C11orf65: variants seen among roughly 807,000 people sequenced by gnomAD.
C11orf65 encodes the protein chromosome 11 open reading frame 65, also known as protein MFI.
In C11orf65, 38 loss-of-function variants were observed where a neutral mutation model predicts 35.3. The ratio of observed to expected loss-of-function variants is 1.08; its 90% confidence interval spans 0.83 to 1.41. The LOEUF is 1.41. Ranked by LOEUF, C11orf65 falls within the 40% of genes most tolerant of loss-of-function variation. C11orf65 has a pLI of 0.00. For missense variants in C11orf65, 370 were observed against 367.1 expected (o/e 1.01, Z -0.06); for synonymous variants, 105 against 114.4 (o/e 0.92, Z 0.53).
chr11:108,372,444 C>T (rs1434259894), intron 2 of C11orf65, among the ~76,000 whole-genome samples: 1 of 152,220 alleles, frequency 6.6e-6, no homozygotes, highest in South Asian at 2.1e-4. Flanking sequence ...ATGCCCGCCT[C>T]AGCACCCCAA....
At chr11:108,378,813 T>C (rs11212599), downstream of C11orf65, among the ~76,000 whole-genome samples, 56,450 of 131,928 alleles carry the variant, frequency 0.43, 10,881 homozygotes, top group African/African-American at 0.6. Context: ...AAAAAGTGGG[T>C]GAAGGACATG....
At chr11:108,444,997 T>C (rs908291389) in intron 2 of C11orf65, among the ~76,000 whole-genome samples, 2 of 152,182 alleles carry the variant, frequency 1.3e-5, no homozygotes, top group African/African-American at 4.8e-5. Flanking sequence ...CCACGGAGTC[T>C]TGCTGATTGC....
chr11:108,433,452 C>A (rs914124586), intron 2 of C11orf65, among the ~76,000 whole-genome samples: 3 of 151,886 alleles, frequency 2.0e-5, no homozygotes, highest in African/African-American at 7.3e-5. Flanking sequence ...TGGTGGCAGG[C>A]GCCTGCAGTC....
chr11:108,446,103 A>G (rs912089502), intron 2 of C11orf65, among the ~76,000 whole-genome samples: 2 of 152,134 alleles, frequency 1.3e-5, no homozygotes, highest in Admixed American at 6.5e-5. Flanking sequence ...AAAGAAACGA[A>G]CAAAGCCTCC....
At chr11:108,464,833 G>T (rs775931886) in intron 1 of C11orf65, among the ~76,000 whole-genome samples, 61 of 151,850 alleles carry the variant, frequency 4.0e-4, no homozygotes, top group Non-Finnish European at 7.4e-4. Context: ...TGTGCATTTA[G>T]TTCAGATATA....
At chr11:108,324,560 A>G (rs904931870) in intron 6 of C11orf65, among the ~76,000 whole-genome samples, 1 of 152,138 alleles carries the variant, frequency 6.6e-6, no homozygotes, top group Non-Finnish European at 1.5e-5. Flanking sequence ...TGGTAGGGTC[A>G]TTTAGAGAGG....
intron 6 of C11orf65, among the ~76,000 whole-genome samples, chr11:108,395,777 C>T (rs975236217): frequency 2.0e-5 from 3 of 151,594 alleles, no homozygotes; most frequent in African/African-American, 7.3e-5. Context: ...CCTGCCACCA[C>T]GCCTGGCTAA....
intron 6 of C11orf65, chr11:108,326,044 C>A (rs932081789): frequency 6.2e-7 from 1 of 1,613,134 alleles, no homozygotes; most frequent in Admixed American, 1.7e-5. Flanking sequence ...TCCCATATGT[C>A]ATTTTCATTT....
intron 3 of C11orf65, among the ~76,000 whole-genome samples, chr11:108,413,389 A>G (rs1383276589): frequency 2.0e-5 from 3 of 152,064 alleles, no homozygotes; most frequent in Non-Finnish European, 4.4e-5. Context: ...TCCACTCTCT[A>G]CGTTCATGTG....
rs748192003 is a variant in C11orf65 at position 108,353,766 on chromosome 11, G to T, written c.227-18474C>A. 1 of 1,599,628 alleles carries T rather than the reference G, an allele frequency of 6.3e-7. No homozygotes were observed. Among genetic ancestry groups the T allele is most frequent in the Non-Finnish European group, 8.6e-7 (1 of 1,166,920 alleles). The stretch of plus-strand genomic sequence containing the variant: ...AACTTCACTGTATTCTTTACTTTAG[G>T]TGTTGCTTTTGAACAGGGCAAAATC... On this transcript the variant is annotated intron_variant, in intron 2 of 3. Coordinates refer to the C11orf65 transcript ENST00000524755.
intron 2 of C11orf65, among the ~76,000 whole-genome samples, chr11:108,460,402 A>G (rs1416904357): frequency 6.6e-6 from 1 of 152,238 alleles, no homozygotes; most frequent in African/African-American, 2.4e-5. Flanking sequence ...TATTCCTTAC[A>G]CCTATAAGAC....
At position 108,431,677 on chromosome 11, in the gene C11orf65, C is replaced by T. The variant is rs11212629; in HGVS notation, c.174+69G>A. On this transcript the variant is annotated intron_variant, in intron 3 of 8. Transcript: ENST00000393084. ...AAAAGAAACAAATATGATGAGCACA[C>T]TGAATTGATAAAGTAATCACATTTT... 5,937 of 813,694 alleles carry T rather than the reference C, an allele frequency of 7.3e-3. 270 individuals are homozygous for T. In the African/African-American group the frequency reaches 0.092, roughly 13 times the overall value. The allele number at this position is 813,694 out of a possible 1,614,324, so 50.4% of individuals were successfully genotyped here. A position where few individuals can be genotyped will look rare whatever the true frequency, so the allele number is the denominator to read the frequency against.
intron 2 of C11orf65, among the ~76,000 whole-genome samples, chr11:108,336,802 A>G (rs1436727066): frequency 6.6e-6 from 1 of 152,190 alleles, no homozygotes; most frequent in Non-Finnish European, 1.5e-5. Flanking sequence ...TGAGAAGACA[A>G]TCCTCAGTCA....
chr11:108,402,901 C>T (rs1226260949), intron 6 of C11orf65, among the ~76,000 whole-genome samples: 5 of 152,176 alleles, frequency 3.3e-5, no homozygotes, highest in African/African-American at 1.2e-4. Context: ...GTCATTCTGT[C>T]TATCAGTAGT....
chr11:108,334,698 C>T (rs1428352115), intron 3 of C11orf65, among the ~76,000 whole-genome samples: 1 of 152,160 alleles, frequency 6.6e-6, no homozygotes. Flanking sequence ...ACCCAGAAAA[C>T]TCCTTCTACT....
chr11:108,332,959 A>G (rs914053818), intron 3 of C11orf65: 129 of 1,564,334 alleles, frequency 8.2e-5, no homozygotes, highest in Non-Finnish European at 1.1e-4. Flanking sequence ...CTGTAGAGAT[A>G]TATTAGTTAT....
At chr11:108,395,189 A>G (rs538460277) in intron 6 of C11orf65, among the ~76,000 whole-genome samples, 2 of 151,568 alleles carry the variant, frequency 1.3e-5, no homozygotes, top group South Asian at 4.2e-4. Context: ...GAGGTTTAGA[A>G]GCATAAATCC....
chr11:108,319,748 G>C (rs2085052490), intron 6 of C11orf65, among the ~76,000 whole-genome samples: 1 of 152,166 alleles, frequency 6.6e-6, no homozygotes, highest in South Asian at 2.1e-4. Flanking sequence ...GAACCAGGCA[G>C]AGTATCTGAG....
In C11orf65 at chr11:108,365,449, C is replaced by T. The variant is rs1591387978; in HGVS notation, c.226+27759G>A. On this transcript the variant is annotated intron_variant, in intron 2 of 3. Transcript: ENST00000524755. ...TGGACAAGTGAATTTGCTCATACAG[C>T]AGGCCATAGACCCCAAAAATCTCAG... is the stretch of plus-strand genomic sequence containing the variant. The T allele has an allele frequency of 1.2e-6, 2 of 1,614,170 alleles. No individual in the cohort carries two copies. Among genetic ancestry groups the T allele is most frequent in the South Asian group, 1.1e-5 (1 of 91,080 alleles).
Sources: allele counts gnomAD v4.1 joint callset (sites outside exome capture counted in the v4.1 genomes callset), GRCh38; gene constraint gnomAD v4.1.1; transcripts MANE v1.5; gene names NCBI Gene and HGNC (gene_info 2026-07-23, HGNC 2026-07-21).